RELT: variants seen among roughly 807,000 people sequenced by gnomAD.
RELT encodes RELT TNF receptor.
Under a neutral mutation model 51.1 loss-of-function variants are expected in RELT, and 37 were observed. That is an observed-to-expected ratio of 0.72 (90% CI 0.56 to 0.95). RELT has a LOEUF of 0.95. Ranked by LOEUF, RELT falls within the 40% of genes least tolerant of loss-of-function variation. The pLI, the probability that RELT is intolerant of heterozygous loss-of-function variation, is 0.00. For synonymous variants in RELT, 241 were observed against 235.7 expected (o/e 1.02, Z -0.21); for missense variants, 535 against 572.6 (o/e 0.93, Z 0.67).
At chr11:73,377,843 G>T (rs1159420977) in intron 1 of RELT, among the ~76,000 whole-genome samples, 2 of 152,128 alleles carry the variant, frequency 1.3e-5, no homozygotes. Flanking sequence ...TGCAGTGGGG[G>T]GTGGGGGCAG....
chr11:73,392,470 T>C lies in RELT; in HGVS notation c.625+2T>C, dbSNP rs1328008109. On this transcript the variant is annotated splice_donor_variant, in intron 6 of 10. Transcript: ENST00000064780. LOFTEE classifies it high-confidence loss of function. Reference sequence around the variant, plus strand: ...CCGGCCCTGGAGGTGGAGGCAGTGGTGAGGCCCAGCTGGGGTCCAGGTGGG... The same window carrying C: ...CCGGCCCTGGAGGTGGAGGCAGTGGCGAGGCCCAGCTGGGGTCCAGGTGGG... 1 of 1,610,604 alleles carries C rather than the reference T, an allele frequency of 6.2e-7. No individual in the cohort carries two copies. Among genetic ancestry groups the C allele is most frequent in the Non-Finnish European group, 8.5e-7 (1 of 1,179,512 alleles).
intron 1 of RELT, among the ~76,000 whole-genome samples, chr11:73,386,463 C>T (rs569219470): frequency 1.3e-5 from 2 of 152,262 alleles, no homozygotes; most frequent in African/African-American, 4.8e-5. Context: ...GGGTGCTGAG[C>T]AGCAGGTGTG....
rs1275557642 is a variant in RELT, at chr11:73,394,765, G to A, written c.1046+31G>A. On this transcript the variant is annotated intron_variant, in intron 9 of 10. Transcript: ENST00000064780. The surrounding 1 kb of genome is among the most constrained non-coding windows in gnomAD (Gnocchi z 4.9). ...ATGGGCACAGATGCAGCAGGGGCAG[G>A]TAAAGACGTGACAGCCTGGGGGCCG... 2 of 1,594,208 alleles carry A rather than the reference G, an allele frequency of 1.3e-6. No homozygotes were observed. The highest frequency in any genetic ancestry group is 1.7e-6 in the Non-Finnish European group (2 of 1,173,422).
chr11:73,376,914 G>C (rs1411713625), intron 1 of RELT: 4 of 153,418 alleles, frequency 2.6e-5, no homozygotes, highest in Admixed American at 6.5e-5. Flanking sequence ...CGGCTGCGGC[G>C]CGGGGCGGCC....
At chr11:73,389,624 C>T (rs935759982) in intron 2 of RELT, among the ~76,000 whole-genome samples, 13 of 152,190 alleles carry the variant, frequency 8.5e-5, no homozygotes, top group South Asian at 2.1e-4. Flanking sequence ...GCCAGCTGCC[C>T]GGAGCTGCAG....
rs1348536779 is a variant in RELT at position 73,392,158 on chromosome 11, CTG to C, written c.368-49_368-48del. On this transcript the variant is annotated intron_variant, in intron 5 of 10. Transcript: ENST00000064780. ...ACTCGGGCCCTGGGCCCCTGTCTCT[CTG>C]TGTTTGTGTCACTCTGCTTTTGTCC... 15 of 1,584,164 alleles carry C rather than the reference CTG, an allele frequency of 9.5e-6. No individual in the cohort carries two copies. The East Asian group carries it at 2.5e-4, about 26-fold the overall frequency.
chr11:73,395,363 C>A, intron 10 of RELT, 78 bp downstream of exon 10: 1 of 1,531,628 alleles, frequency 6.5e-7, no homozygotes, highest in Non-Finnish European at 9.0e-7. Flanking sequence ...GGAAGTGCAG[C>A]GGGCCCTAGG....
Position 73,394,678 on chromosome 11 carries a change from C to G in RELT, c.990C>G (p.Pro330=). The G allele has an allele frequency of 6.2e-7, 1 of 1,613,582 alleles. No homozygotes were observed. The highest frequency in any genetic ancestry group is 8.5e-7 in the Non-Finnish European group (1 of 1,180,010). The change falls in exon 9 of 11, where the codon CCC becomes CCG. Residue 330 remains proline, a synonymous_variant. Transcript: ENST00000064780. The surrounding 1 kb of genome is among the most constrained non-coding windows in gnomAD (Gnocchi z 4.9). ...TTCTGCCTAACCCGACCAGGGTTCC[C>G]AAGGCCGGGGCCAAGGCAGGGCGTC... is the stretch of plus-strand genomic sequence containing the variant. The part of the protein sequence containing the change: ...PSLLPNPTRV[P]KAGAKAGRQG...
rs996273502 is a variant in RELT at position 73,392,166 on chromosome 11, G to A, written c.368-45G>A. The A allele has an allele frequency of 2.5e-6, 4 of 1,595,326 alleles. No individual in the cohort carries two copies. In the African/African-American group the frequency reaches 5.4e-5, roughly 21 times the overall value. On this transcript the variant is annotated intron_variant, in intron 5 of 10. Coordinates refer to ENST00000064780, the MANE Select transcript of RELT (RefSeq NM_152222.2). ...CCTGGGCCCCTGTCTCTCTGTGTTT[G>A]TGTCACTCTGCTTTTGTCCTGCCTC...
chr11:73,395,127 A>G lies in RELT; in HGVS notation c.1087A>G (p.Met363Val), dbSNP rs151088654. 1.8e-3 allele frequency: 2,945 copies of G among 1,613,666 alleles called. 29 individuals carry two copies. The African/African-American group carries it at 0.022, about 12-fold the overall frequency. Residue 363 changes from methionine to valine, a missense_variant, in exon 10 of 11, where the codon ATG becomes GTG. Transcript: ENST00000064780. ...ARIPEQRTSS[M>V]VSEVKTITEA... is the part of the protein sequence containing the mutation. The stretch of plus-strand genomic sequence containing the variant: ...AATTCCTGAGCAGCGGACAAGTTCA[A>G]TGGTGTCTGAGGTGAAGACCATCAC...
chr11:73,393,875 G>T lies in RELT; in HGVS notation c.664G>T (p.Asp222Tyr), dbSNP rs1350670125. The change falls in exon 7 of 11, where the codon GAC becomes TAC. Residue 222 changes from aspartate (D) to tyrosine (Y), a missense_variant. Asp to Tyr is a radical substitution (Grantham distance 160). Transcript: ENST00000064780. The part of the protein sequence containing the change: ...PAYRTEDANE[D>Y]TIGVLVRLIT... ...CTACCGGACTGAGGATGCCAATGAGGACACCATTGGGGTCCTGGTGCGCTT... is the reference window on the plus strand; with the variant it reads ...CTACCGGACTGAGGATGCCAATGAGTACACCATTGGGGTCCTGGTGCGCTT... 1.9e-6 allele frequency: 3 copies of T among 1,614,096 alleles called. No homozygotes were observed. Among genetic ancestry groups the T allele is most frequent in the Non-Finnish European group, 2.5e-6 (3 of 1,179,990 alleles).
rs568244866 is a variant in RELT, at chr11:73,388,725, G to C, written c.-25-387G>C. 3.3e-5 allele frequency among the ~76,000 whole-genome samples: 5 copies of C among 152,352 alleles called. No homozygotes were observed. In the East Asian group the frequency reaches 9.6e-4, roughly 29 times the overall value. ...CGCTGGGCTGGAGTGTGGAGGCCGGGCTGGGGTGTTGGGTGTTGGTTGCAA... is the reference window on the plus strand; with the variant it reads ...CGCTGGGCTGGAGTGTGGAGGCCGGCCTGGGGTGTTGGGTGTTGGTTGCAA... On this transcript the variant is annotated intron_variant, in intron 1 of 10. Transcript: ENST00000064780. This position sits in a 1 kb window ranked among gnomAD's most constrained non-coding sequence, Gnocchi z 4.1.
At chr11:73,392,101 T>C in intron 5 of RELT, 110 bp from the exon 6 acceptor site, 1 of 1,315,136 alleles carries the variant, frequency 7.6e-7, no homozygotes, top group Non-Finnish European at 1.0e-6. Context: ...TGGGCTCCCC[T>C]GGGCACATTG....
chr11:73,387,714 G>A (rs894192569), intron 1 of RELT, among the ~76,000 whole-genome samples: 1 of 152,184 alleles, frequency 6.6e-6, no homozygotes, highest in Non-Finnish European at 1.5e-5. Context: ...CAAGAGGGAG[G>A]GCGGGTGGAC....
chr11:73,395,747 G>A lies in RELT; in HGVS notation c.*256G>A, dbSNP rs539420981. 16 of 559,412 alleles carry A rather than the reference G, an allele frequency of 2.9e-5. No individual in the cohort carries two copies. The highest frequency in any genetic ancestry group is 8.8e-5 in the South Asian group (4 of 45,218). 34.7% of individuals were successfully genotyped at this position (559,412 alleles called of 1,614,324 possible). ...ATGTTGCTCCCCTGAAGGATGCCCC[G>A]ACCCCCGTGCCTGCCCTGGCTGGAT... On this transcript the variant is annotated 3_prime_UTR_variant, in exon 11 of 11. Coordinates refer to ENST00000064780, the MANE Select transcript of RELT (RefSeq NM_152222.2).
In RELT at chr11:73,390,536, C is replaced by T. The variant is rs956383188; in HGVS notation, c.46-15C>T. 5 of 1,613,046 alleles carry T rather than the reference C, an allele frequency of 3.1e-6. No individual in the cohort carries two copies. The highest frequency in any genetic ancestry group is 2.7e-5 in the African/African-American group (2 of 74,900). ...CAGCACTTTCTGCCTCTTTCAATGC[C>T]TACTGTTCTTCTAGCTGCTGCCCTG... On this transcript the variant is annotated splice_polypyrimidine_tract_variant and intron_variant, in intron 2 of 10. Transcript: ENST00000064780.
rs1337961380 is a variant in RELT at position 73,395,630 on chromosome 11, G to A, written c.*139G>A. ...GACGAGACAGCAAAGACCAAGGCCT[G>A]GAGGTGGGAGCGTCTGCCCCAGTGA... On this transcript the variant is annotated 3_prime_UTR_variant, in exon 11 of 11. Coordinates refer to ENST00000064780, the MANE Select transcript of RELT (RefSeq NM_152222.2). 7.1e-6 allele frequency: 5 copies of A among 708,012 alleles called. No homozygotes were observed. The highest frequency in any genetic ancestry group is 6.1e-5 in the South Asian group (4 of 65,874). 43.9% of individuals were successfully genotyped at this position (708,012 alleles called of 1,614,324 possible).
chr11:73,393,906 C>G lies in RELT; in HGVS notation c.695C>G (p.Thr232Arg). Residue 232 changes from threonine to arginine, a missense_variant, in exon 7 of 11, where the codon ACA becomes AGA. Thr to Arg is a moderately conservative substitution (Grantham distance 71). Coordinates refer to ENST00000064780, the MANE Select transcript of RELT (RefSeq NM_152222.2). ...DTIGVLVRLI[T>R]EKKENAAALE... Reference sequence around the variant, plus strand: ...ATTGGGGTCCTGGTGCGCTTGATCACAGAGAAGAAAGGTGAGGAGAAGGTC... The same window carrying G: ...ATTGGGGTCCTGGTGCGCTTGATCAGAGAGAAGAAAGGTGAGGAGAAGGTC... 1.2e-6 allele frequency: 2 copies of G among 1,613,890 alleles called. No homozygotes were observed. Among genetic ancestry groups the G allele is most frequent in the Non-Finnish European group, 1.7e-6 (2 of 1,179,862 alleles).
rs749582417 is a variant in RELT at position 73,395,215 on chromosome 11, A to G, written c.1175A>G (p.Gln392Arg). Residue 392 changes from glutamine (Q) to arginine (R), a missense_variant, in exon 10 of 11, where the codon CAG (glutamine) becomes CGG (arginine). By Grantham distance (43) the Gln-to-Arg change is conservative (BLOSUM62 1). Transcript: ENST00000064780. ...CCACAGCCTGGCCTCCCCCCTGAGC[A>G]GCAGGCCCTGCTAGGAAGTGGCGGA... ...DSPQPGLPPE[Q>R]QALLGSGGSR... The G allele has an allele frequency of 6.2e-7, 1 of 1,613,326 alleles. No individual in the cohort carries two copies. Among genetic ancestry groups the G allele is most frequent in the South Asian group, 1.1e-5 (1 of 91,088 alleles).
Sources: gnomAD v4.1 joint callset for allele counts (sites outside exome capture counted in the v4.1 genomes callset) on GRCh38, gnomAD v4.1.1 for gene constraint, Gnocchi (gnomAD v3.1) non-coding constraint, MANE v1.5 for transcripts, NCBI Gene and HGNC (gene_info 2026-07-23, HGNC 2026-07-21) for gene names.